SV2B: variants seen among roughly 807,000 people sequenced by gnomAD.
SV2B encodes synaptic vesicle glycoprotein 2B.
In SV2B, 41 loss-of-function variants were observed where a neutral mutation model predicts 73.9. The ratio of observed to expected loss-of-function variants is 0.56; its 90% CI spans 0.43 to 0.72. The LOEUF (loss-of-function observed/expected upper bound fraction) is 0.72. SV2B is among the 30% of genes least tolerant of loss of function. The pLI, the probability that SV2B is intolerant of heterozygous loss-of-function variation, is 0.00. For synonymous variants in SV2B, 314 were observed against 314.2 expected (o/e 1.00, Z 0.01); for missense variants, 764 against 857.8 (o/e 0.89, Z 1.37).
rs528277063 is a variant in SV2B at position 91,227,830 on chromosome 15, C to T, written c.451+1116C>T. ...AAATACCTGGTGCGATTCAGGTCCCCGATACTTGCTATAGAGCAAGAGCTA... is the reference window on the plus strand; with the variant it reads ...AAATACCTGGTGCGATTCAGGTCCCTGATACTTGCTATAGAGCAAGAGCTA... On this transcript the variant is annotated intron_variant, in intron 2 of 12. Transcript: ENST00000394232. The surrounding 1 kb of genome is among the most constrained non-coding windows in gnomAD (Gnocchi z 4.5). Among the ~76,000 whole-genome samples, 6 of 152,282 alleles carry T rather than the reference C, an allele frequency of 3.9e-5. No individual in the cohort carries two copies. The highest frequency in any genetic ancestry group is 2.1e-4 in the South Asian group (1 of 4,806).
chr15:91,128,911 G>A lies in SV2B; in HGVS notation c.-392+28548G>A, dbSNP rs2042564990. 1 of 152,238 alleles carries A rather than the reference G, an allele frequency of 6.6e-6. No individual in the cohort carries two copies. Among genetic ancestry groups the A allele is most frequent in the African/African-American group, 2.4e-5 (1 of 41,466 alleles). 9.4% of individuals were successfully genotyped at this position (152,238 alleles called of 1,614,324 possible). A position where few individuals can be genotyped will look rare whatever the true frequency, so the allele number is the denominator to read the frequency against. On this transcript the variant is annotated intron_variant, in intron 1 of 12. Transcript: ENST00000394232. The surrounding 1 kb of genome is among the most constrained non-coding windows in gnomAD (Gnocchi z 4.2). ...GCTGTCTATACTTTGTTGAACCCATGCATAACAATGGCCAATTTCCCTTGT... is the reference window on the plus strand; with the variant it reads ...GCTGTCTATACTTTGTTGAACCCATACATAACAATGGCCAATTTCCCTTGT...
At chr15:91,256,849 G>C (rs1036221538) in intron 4 of SV2B, among the ~76,000 whole-genome samples, 1 of 152,178 alleles carries the variant, frequency 6.6e-6, no homozygotes, top group African/African-American at 2.4e-5. Context: ...GCAGATAATT[G>C]GTTAGGAGTC....
Position 91,268,519 on chromosome 15 carries a change from G to A in SV2B, c.1287G>A (p.Val429=), listed in dbSNP as rs3743444. Residue 429 remains valine, a synonymous_variant, in exon 9 of 13, where the codon GTG becomes GTA. Transcript: ENST00000394232. This position sits in a 1 kb window ranked among gnomAD's most constrained non-coding sequence, Gnocchi z 4.4. ...AAGAATACAAGTCTAAAATGAAGGTGTTTTTTGGTGAGCATGTGTACGGCG... is the reference window on the plus strand; with the variant it reads ...AAGAATACAAGTCTAAAATGAAGGTATTTTTTGGTGAGCATGTGTACGGCG... ...QDEEYKSKMK[V]FFGEHVYGAT... is the part of the protein sequence containing the mutation. 189,864 of 1,613,654 alleles carry A rather than the reference G, an allele frequency of 0.12. 11,891 individuals are homozygous for A. Among genetic ancestry groups the A allele is most frequent in the African/African-American group, 0.21 (15,566 of 74,928 alleles).
At chr15:91,221,697 A>ACGCGCGCG (rs1257150475) in intron 1 of SV2B, among the ~76,000 whole-genome samples, 1 of 113,244 alleles carries the variant, frequency 8.8e-6, no homozygotes, top group African/African-American at 5.4e-5. Flanking sequence ...ATGTGCGCAC[A>ACGCGCGCG]CACACACACA....
rs1435942183 is a variant in SV2B, at chr15:91,224,892, A to T, written c.-391-981A>T. ...GAGAATCCACTGGGCAAAGGAGTCAACAGAGGGACTCTGATTGGAATTGGG... is the reference window on the plus strand; with the variant it reads ...GAGAATCCACTGGGCAAAGGAGTCATCAGAGGGACTCTGATTGGAATTGGG... On this transcript the variant is annotated intron_variant, in intron 1 of 12. Coordinates refer to ENST00000394232, the MANE Select transcript of SV2B (RefSeq NM_001323032.3). The surrounding 1 kb of genome is among the most constrained non-coding windows in gnomAD (Gnocchi z 4.9). Among the ~76,000 whole-genome samples the T allele has an allele frequency of 6.6e-6, 1 of 152,192 alleles. No individual in the cohort carries two copies. The highest frequency in any genetic ancestry group is 1.5e-5 in the Non-Finnish European group (1 of 68,028).
chr15:91,178,901 G>C (rs547616500), intron 1 of SV2B, among the ~76,000 whole-genome samples: 1 of 148,242 alleles, frequency 6.7e-6, no homozygotes, highest in Non-Finnish European at 1.5e-5. Context: ...CTTCAGTTCT[G>C]CTCTGATTTT....
In SV2B at chr15:91,294,542, G is replaced by GT. The variant is rs1183773865; in HGVS notation, c.*1991dup. 6.6e-6 allele frequency: 1 copy of GT among 152,166 alleles called. No individual in the cohort carries two copies. Among genetic ancestry groups the GT allele is most frequent in the Non-Finnish European group, 1.5e-5 (1 of 68,024 alleles). The allele number at this position is 152,166 out of a possible 1,614,324, so 9.4% of individuals were successfully genotyped here. Reference sequence around the variant, plus strand: ...CTCTGTCAATAATGAAAGGCTCGATGTAATATAGCTGTAATTTACTTTCCA... The same window carrying GT: ...CTCTGTCAATAATGAAAGGCTCGATGTTAATATAGCTGTAATTTACTTTCCA... On this transcript the variant is annotated 3_prime_UTR_variant, in exon 13 of 13. Transcript: ENST00000394232. This position sits in a 1 kb window ranked among gnomAD's most constrained non-coding sequence, Gnocchi z 4.1.
chr15:91,204,809 G>A (rs777778605), intron 1 of SV2B, among the ~76,000 whole-genome samples: 12 of 151,924 alleles, frequency 7.9e-5, no homozygotes, highest in South Asian at 2.1e-4. Context: ...CGCTCACCTC[G>A]CCTCCCAAAG....
intron 2 of SV2B, 106 bp downstream of exon 2, chr15:91,226,820 T>A: frequency 7.4e-7 from 1 of 1,354,976 alleles, no homozygotes; most frequent in Non-Finnish European, 9.8e-7. Context: ...AATGTACCCA[T>A]TTTGCTGTGA....
At chr15:91,282,206 T>C (rs1247251960) in intron 10 of SV2B, among the ~76,000 whole-genome samples, 1 of 152,266 alleles carries the variant, frequency 6.6e-6, no homozygotes, top group Non-Finnish European at 1.5e-5. Flanking sequence ...CCAGGAGGGC[T>C]GCATTTTATG....
At position 91,115,946 on chromosome 15, in the gene SV2B, C is replaced by T. The variant is rs547877718; in HGVS notation, c.-392+15583C>T. Among the ~76,000 whole-genome samples, 1 of 152,248 alleles carries T rather than the reference C, an allele frequency of 6.6e-6. No homozygotes were observed. The highest frequency in any genetic ancestry group is 1.5e-5 in the Non-Finnish European group (1 of 68,012). ...AAGTTTGTAAAGAAGCTTTGTTTCA[C>T]ATACACCTTAACAGAGTACATGCAC... On this transcript the variant is annotated intron_variant, in intron 1 of 12. Transcript: ENST00000394232. The surrounding 1 kb of genome is among the most constrained non-coding windows in gnomAD (Gnocchi z 4.3).
At chr15:91,186,307 T>TAAATTC (rs2044767726) in intron 1 of SV2B, among the ~76,000 whole-genome samples, 1 of 152,096 alleles carries the variant, frequency 6.6e-6, no homozygotes, top group Non-Finnish European at 1.5e-5. Context: ...CTATACAGTT[T>TAAATTC]ATATTTTGCT....
At chr15:91,200,800 C>A (rs8040825) in intron 1 of SV2B, among the ~76,000 whole-genome samples, 74,875 of 151,820 alleles carry the variant, frequency 0.49, 20,259 homozygotes, top group African/African-American at 0.74. Flanking sequence ...AGTTCCAGCT[C>A]CTCAGGAGCC....
At chr15:91,103,927 T>C (rs1200285161) in intron 1 of SV2B, among the ~76,000 whole-genome samples, 4 of 152,212 alleles carry the variant, frequency 2.6e-5, no homozygotes, top group Non-Finnish European at 4.4e-5. Context: ...TGCCAGCTTA[T>C]TGATTTGCAG....
chr15:91,107,338 G>A (rs1226729703), intron 1 of SV2B, among the ~76,000 whole-genome samples: 1 of 85,474 alleles, frequency 1.2e-5, no homozygotes, highest in Non-Finnish European at 2.6e-5. Flanking sequence ...TTTTGAGATG[G>A]AGTATCCTTC....
intron 1 of SV2B, among the ~76,000 whole-genome samples, chr15:91,178,884 C>T (rs2044436047): frequency 6.8e-6 from 1 of 147,446 alleles, no homozygotes. Context: ...TTTTGTGTCT[C>T]TATTTCCTTC....
chr15:91,182,365 G>A (rs2013065), intron 1 of SV2B, among the ~76,000 whole-genome samples: 47,601 of 152,058 alleles, frequency 0.31, 8,239 homozygotes, highest in East Asian at 0.7. Flanking sequence ...GCAAGTTCTC[G>A]ATTAGCATTT....
Position 91,300,020 on chromosome 15 carries a change from C to A in SV2B, c.*7468C>A, listed in dbSNP as rs990344964. ...ATGTAAAAGTAGAAAACAAACCATC[C>A]ATAGTGTGTGCATATATACACACAA... On this transcript the variant is annotated 3_prime_UTR_variant, in exon 13 of 13. Coordinates refer to ENST00000394232, the MANE Select transcript of SV2B (RefSeq NM_001323032.3). 6.6e-6 allele frequency: 1 copy of A among 152,182 alleles called. No homozygotes were observed. Among genetic ancestry groups the A allele is most frequent in the Non-Finnish European group, 1.5e-5 (1 of 68,036 alleles). 9.4% of individuals were successfully genotyped at this position (152,182 alleles called of 1,614,324 possible).
Position 91,258,528 on chromosome 15 carries a change from C to T in SV2B, c.892C>T (p.Pro298Ser). The change falls in exon 5 of 13, where the codon CCA becomes TCA. Residue 298 changes from proline (P) to serine (S), a missense_variant. Physicochemically the swap from Pro to Ser is moderately conservative, Grantham distance 74 (BLOSUM62 -1). Transcript: ENST00000394232. This position sits in a 1 kb window ranked among gnomAD's most constrained non-coding sequence, Gnocchi z 4.7. ...TVSMVALKFM[P>S]ESPRFLLEMG... ...GTCCATGGTGGCCCTGAAGTTCATG[C>T]CAGAGAGCCCAAGGTTTCTGCTAGA... The T allele has an allele frequency of 6.2e-7, 1 of 1,614,066 alleles. No homozygotes were observed.
Sources: allele counts gnomAD v4.1 joint callset (sites outside exome capture counted in the v4.1 genomes callset), GRCh38; gene constraint gnomAD v4.1.1; non-coding constraint Gnocchi (gnomAD v3.1); transcripts MANE v1.5; gene names NCBI Gene and HGNC (gene_info 2026-07-23, HGNC 2026-07-21).